Variants in DNM3 observed in about 807,000 individuals in gnomAD.
DNM3 encodes dynamin-3.
In DNM3, 47 loss-of-function variants were observed where a neutral mutation model predicts 101.6. That is an observed-to-expected ratio of 0.46 (90% CI 0.37 to 0.59). DNM3 has a LOEUF of 0.59. Ranked by LOEUF, DNM3 falls within the 20% of genes least tolerant of loss-of-function variation. The pLI is 0.00. For synonymous variants in DNM3, 385 were observed against 387.9 expected, an observed-to-expected ratio of 0.99 and a Z score of 0.09; for missense variants, 849 against 1,085.7, an observed-to-expected ratio of 0.78 and a Z score of 3.06.
intron 13 of DNM3, among the ~76,000 whole-genome samples, chr1:172,102,904 G>A (rs6671218): frequency 0.32 from 48,275 of 151,968 alleles, 8,818 homozygotes; most frequent in Non-Finnish European, 0.4. Flanking sequence ...AAATGTTAAT[G>A]TTTCTCACCA....
chr1:171,899,998 A>G (rs1284501926), intron 1 of DNM3, among the ~76,000 whole-genome samples: 1 of 152,234 alleles, frequency 6.6e-6, no homozygotes, highest in African/African-American at 2.4e-5. Context: ...GGAAGCTGGA[A>G]TATCCAGGCA....
intron 13 of DNM3, among the ~76,000 whole-genome samples, chr1:172,104,324 AT>A (rs1408689088): frequency 6.6e-6 from 1 of 151,464 alleles, no homozygotes; most frequent in African/African-American, 2.4e-5. Flanking sequence ...ATTTTTGTGG[AT>A]TTTTATACTT....
intron 2 of DNM3, among the ~76,000 whole-genome samples, chr1:171,978,176 G>T (rs10914141): frequency 0.26 from 39,823 of 151,936 alleles, 6,243 homozygotes; most frequent in African/African-American, 0.43. Context: ...GTGCTTATAT[G>T]CCAGTGGATG....
At chr1:172,156,122 T>C (rs2058328745) in intron 14 of DNM3, among the ~76,000 whole-genome samples, 1 of 152,124 alleles carries the variant, frequency 6.6e-6, no homozygotes. Flanking sequence ...TTCAGCATAG[T>C]GTCCAGTGTA....
chr1:172,283,780 A>AAAAGAAAGAAAGAAAG (rs1553221114), intron 15 of DNM3, among the ~76,000 whole-genome samples: 22 of 119,074 alleles, frequency 1.8e-4, no homozygotes, highest in Non-Finnish European at 3.6e-4. Flanking sequence ...AAAAAAAAAA[A>AAAAGAAAGAAAGAAAG]AAAGAAAGAA....
At chr1:171,920,285 C>A (rs938850414) in intron 1 of DNM3, among the ~76,000 whole-genome samples, 19 of 152,192 alleles carry the variant, frequency 1.2e-4, no homozygotes, top group Admixed American at 5.2e-4. Flanking sequence ...TCATTGAAAT[C>A]CCATCTGTGT....
rs946927140 is a variant in DNM3, at chr1:171,843,265, T to G, written c.161+1448T>G. ...ATCCTTGAGTAATTCACTTAATCAC[T>G]ACACCTCATTTTTATATTTTTTTTG... is the stretch of plus-strand genomic sequence containing the variant. On this transcript the variant is annotated intron_variant, in intron 1 of 20. Coordinates refer to ENST00000627582, the MANE Select transcript of DNM3 (RefSeq NM_015569.5). Among the ~76,000 whole-genome samples, 18 of 152,348 alleles carry G rather than the reference T, an allele frequency of 1.2e-4. No individual in the cohort carries two copies. In the South Asian group the frequency reaches 3.5e-3, roughly 30 times the overall value.
chr1:171,939,422 A>AT (rs1487542121), intron 2 of DNM3, among the ~76,000 whole-genome samples: 1 of 152,082 alleles, frequency 6.6e-6, no homozygotes, highest in African/African-American at 2.4e-5. Context: ...TCTCTTGTCT[A>AT]TTTTTGGAGG....
At chr1:172,137,473 T>C (rs1470099663) in intron 14 of DNM3, 1 of 152,184 alleles carries the variant, frequency 6.6e-6, no homozygotes, top group Non-Finnish European at 1.5e-5. Context: ...CATCATTCAG[T>C]TTTTTAATTA....
Position 171,889,008 on chromosome 1 carries a change from CTCTG to C in DNM3, c.162-32736_162-32733del, listed in dbSNP as rs543776014. On this transcript the variant is annotated intron_variant, in intron 1 of 20. Transcript: ENST00000627582. ...GGTTTCTTTTTGAGACAGGGCCTCTCTCTGTCTCTCACTCAGGCTGGATTGCAGT... is the reference window on the plus strand; with the variant it reads ...GGTTTCTTTTTGAGACAGGGCCTCTCTCTCTCACTCAGGCTGGATTGCAGT... Among the ~76,000 whole-genome samples, 26 of 152,284 alleles carry C rather than the reference CTCTG, an allele frequency of 1.7e-4. 1 individual carries two copies. In the South Asian group the frequency reaches 5.0e-3, roughly 29 times the overall value.
chr1:171,988,707 A>G (rs1400412549), intron 3 of DNM3, among the ~76,000 whole-genome samples: 6 of 152,204 alleles, frequency 3.9e-5, no homozygotes, highest in Non-Finnish European at 1.5e-5. Flanking sequence ...ACTGTTAGGC[A>G]TGCAAATCAG....
rs560856402 is a variant in DNM3, at chr1:171,861,047, AC to A, written c.161+19232del. ...TGTCAATATATCATTGATATTTAAA[AC>A]CTTAAGACTGCACACCAAAAACTAT... On this transcript the variant is annotated intron_variant, in intron 1 of 20. Coordinates refer to ENST00000627582, the MANE Select transcript of DNM3 (RefSeq NM_015569.5). Among the ~76,000 whole-genome samples the A allele has an allele frequency of 1.5e-3, 231 of 152,246 alleles. 1 individual carries two copies. Among genetic ancestry groups the A allele is most frequent in the South Asian group, 9.1e-3 (44 of 4,820 alleles).
At chr1:172,261,281 C>T (rs999471271) in intron 15 of DNM3, among the ~76,000 whole-genome samples, 3 of 152,128 alleles carry the variant, frequency 2.0e-5, no homozygotes, top group Non-Finnish European at 4.4e-5. Context: ...AAAAGGAGAA[C>T]TCTTTTCTGA....
In DNM3 at chr1:172,308,693, A is replaced by G. The variant is rs1303282569; in HGVS notation, c.1770-35A>G. On this transcript the variant is annotated intron_variant, in intron 15 of 20. Transcript: ENST00000627582. ...TAAAATGACTTTGAATTTGGTTCAA[A>G]CTAAAAGCATGATTTTTTTTTTTTT... The G allele has an allele frequency of 6.1e-6, 8 of 1,316,316 alleles. No individual in the cohort carries two copies. The Admixed American group carries it at 7.5e-5, about 12-fold the overall frequency. 81.5% of individuals were successfully genotyped at this position (1,316,316 alleles called of 1,614,324 possible). A position where few individuals can be genotyped will look rare whatever the true frequency, so the allele number is the denominator to read the frequency against.
At chr1:172,185,038 A>C (rs1011757748) in intron 14 of DNM3, among the ~76,000 whole-genome samples, 2 of 152,066 alleles carry the variant, frequency 1.3e-5, no homozygotes, top group Non-Finnish European at 2.9e-5. Context: ...GGGAGGCTGG[A>C]AACTTAGTCA....
intron 10 of DNM3, among the ~76,000 whole-genome samples, chr1:172,059,739 G>T (rs1323423940): frequency 5.7e-5 from 8 of 140,278 alleles, no homozygotes; most frequent in African/African-American, 2.2e-4. Context: ...AGCCAATATC[G>T]TACTGAATGG....
intron 16 of DNM3, among the ~76,000 whole-genome samples, chr1:172,315,668 T>C (rs1008183752): frequency 6.6e-6 from 1 of 151,538 alleles, no homozygotes; most frequent in Non-Finnish European, 1.5e-5. Flanking sequence ...TGAAATGAAG[T>C]GAGAAGGGAA....
At chr1:172,186,382 G>GT (rs202132172) in intron 14 of DNM3, among the ~76,000 whole-genome samples, 37,922 of 147,402 alleles carry the variant, frequency 0.26, 5,352 homozygotes, top group Middle Eastern at 0.35. Context: ...GTCAGTTGCT[G>GT]TTTTTTTTTT....
chr1:172,201,834 GGA>G, intron 14 of DNM3, among the ~76,000 whole-genome samples: 3 of 152,300 alleles, frequency 2.0e-5, no homozygotes, highest in African/African-American at 7.2e-5. Flanking sequence ...TGTCTAGTGA[GGA>G]GATATGGGAA....
Sources: gnomAD v4.1 joint callset for allele counts (sites outside exome capture counted in the v4.1 genomes callset) on GRCh38, gnomAD v4.1.1 for gene constraint, MANE v1.5 for transcripts, NCBI Gene and HGNC (gene_info 2026-07-23, HGNC 2026-07-21) for gene names.